OLFM1: variants seen among roughly 807,000 people sequenced by gnomAD.
OLFM1 encodes the protein noelin.
A neutral mutation model predicts 49.7 loss-of-function variants in OLFM1; 9 were observed. The ratio of observed to expected loss-of-function variants is 0.18; its 90% CI spans 0.11 to 0.32. OLFM1 has a LOEUF of 0.32. Ranked by LOEUF, OLFM1 falls within the 10% of genes least tolerant of loss-of-function variation. The probability of loss-of-function intolerance (pLI) is 1.00; values close to 1 mark genes in which losing one functional copy is unlikely to be tolerated. For synonymous variants in OLFM1, 240 were observed against 271.8 expected, an observed-to-expected ratio of 0.88 and a Z score of 1.15; for missense variants, 369 against 661.8, an observed-to-expected ratio of 0.56 and a Z score of 4.85.
intron 1 of OLFM1, among the ~76,000 whole-genome samples, chr9:135,079,932 G>A (rs1170754246): frequency 6.6e-6 from 1 of 152,032 alleles, no homozygotes; most frequent in Non-Finnish European, 1.5e-5. Context: ...TCTCGGAGTT[G>A]GGCCAGCTGT....
chr9:135,091,813 ATAGTCACACACACT>A (rs1830713901), intron 2 of OLFM1, among the ~76,000 whole-genome samples: 1 of 147,372 alleles, frequency 6.8e-6, no homozygotes, highest in Non-Finnish European at 1.5e-5. Context: ...ACACACTCAC[ATAGTCACACACACT>A]CACAGTCACA....
intron 1 of OLFM1, among the ~76,000 whole-genome samples, chr9:135,079,789 T>C (rs1322115806): frequency 1.3e-5 from 2 of 152,106 alleles, no homozygotes; most frequent in Non-Finnish European, 2.9e-5. Flanking sequence ...GGCCTGGCCT[T>C]TCCTAAAACA....
intron 3 of OLFM1, 33 bp downstream of exon 3, chr9:135,096,052 ATCCTCCTCC>A (rs747912134): frequency 1.1e-5 from 4 of 365,874 alleles, no homozygotes; most frequent in Non-Finnish European, 3.7e-6. Flanking sequence ...CCCTCCCCTT[ATCCTCCTCC>A]TCCTCCTCTT....
intron 4 of OLFM1, among the ~76,000 whole-genome samples, chr9:135,103,632 C>A (rs1830899832): frequency 6.6e-6 from 1 of 152,202 alleles, no homozygotes; most frequent in Admixed American, 6.5e-5. Context: ...GGGCCTGGGG[C>A]AGAGCCGCCC....
In OLFM1 at chr9:135,120,222, G is replaced by A. The variant is rs1831168875; in HGVS notation, c.*44G>A. On this transcript the variant is annotated 3_prime_UTR_variant, in exon 6 of 6. Coordinates refer to ENST00000371793, the MANE Select transcript of OLFM1 (RefSeq NM_001282611.2). ...CAAGGGCCCACGTCCTCACCACAAA[G>A]GGACTCCTGTGAAACTGCTGCCAAA... is the stretch of plus-strand genomic sequence containing the variant. 1 of 1,518,532 alleles carries A rather than the reference G, an allele frequency of 6.6e-7. No homozygotes were observed. The highest frequency in any genetic ancestry group is 8.9e-7 in the Non-Finnish European group (1 of 1,124,312). The allele number at this position is 1,518,532 out of a possible 1,614,324, so 94.1% of individuals were successfully genotyped here. A position where few individuals can be genotyped will look rare whatever the true frequency, so the allele number is the denominator to read the frequency against.
At chr9:135,087,644 C>CCGCGCGCAG, upstream of OLFM1, 1 of 554,232 alleles carries the variant, frequency 1.8e-6, no homozygotes, top group East Asian at 4.0e-5. Context: ...GCCGCGGCCC[C>CCGCGCGCAG]CGCGCGCAGC....
At chr9:135,091,535 A>T (rs1440733228) in intron 2 of OLFM1, among the ~76,000 whole-genome samples, 1 of 144,766 alleles carries the variant, frequency 6.9e-6, no homozygotes, top group African/African-American at 2.6e-5. Flanking sequence ...TCACACAGTC[A>T]CACTCACATA....
chr9:135,098,196 C>T lies in OLFM1; in HGVS notation c.457-90C>T. On this transcript the variant is annotated intron_variant, in intron 3 of 5. Coordinates refer to ENST00000371793, the MANE Select transcript of OLFM1 (RefSeq NM_001282611.2). This position sits in a 1 kb window ranked among gnomAD's most constrained non-coding sequence, Gnocchi z 5.6. ...TGTAAATAAAGCGGGAATATACACA[C>T]TTTCCCTCACCTAGGGAGAAGCCAG... 6.6e-7 allele frequency: 1 copy of T among 1,515,398 alleles called. No individual in the cohort carries two copies. The highest frequency in any genetic ancestry group is 1.3e-5 in the South Asian group (1 of 78,842). The allele number at this position is 1,515,398 out of a possible 1,614,324, so 93.9% of individuals were successfully genotyped here. A position where few individuals can be genotyped will look rare whatever the true frequency, so the allele number is the denominator to read the frequency against.
At chr9:135,075,966 C>T in intron 1 of OLFM1, 1 of 1,396,632 alleles carries the variant, frequency 7.2e-7, no homozygotes, top group Non-Finnish European at 9.3e-7. Flanking sequence ...CTAGGCTGGA[C>T]CTGGGTGGGA....
intron 2 of OLFM1, among the ~76,000 whole-genome samples, chr9:135,090,827 GC>G (rs1416412297): frequency 1.3e-5 from 2 of 152,180 alleles, no homozygotes; most frequent in African/African-American, 4.8e-5. Context: ...TCTTTTTTCT[GC>G]CCTTGAATGG....
chr9:135,107,980 T>C (rs1564277673), intron 5 of OLFM1, among the ~76,000 whole-genome samples: 1 of 152,134 alleles, frequency 6.6e-6, no homozygotes, highest in Admixed American at 6.5e-5. Flanking sequence ...GGAAGATGGC[T>C]GGGGAGGGGA....
chr9:135,086,620 A>G (rs1314466362), upstream of OLFM1: 1 of 455,986 alleles, frequency 2.2e-6, no homozygotes, highest in Non-Finnish European at 4.4e-6. Context: ...AAGGCCCCGG[A>G]GGAAGTGGCT....
At position 135,121,060 on chromosome 9, in the gene OLFM1, C is replaced by T. The variant is rs1302497796; in HGVS notation, c.*882C>T. ...GGCTCGCCTGGGGAAACTCTGGTTT[C>T]CGATGGGACAGGAAAGTCATACGGG... On this transcript the variant is annotated 3_prime_UTR_variant, in exon 6 of 6. Transcript: ENST00000371793. The T allele has an allele frequency of 6.6e-6, 1 of 152,324 alleles. No homozygotes were observed. Among genetic ancestry groups the T allele is most frequent in the East Asian group, 1.9e-4 (1 of 5,194 alleles). 9.4% of individuals were successfully genotyped at this position (152,324 alleles called of 1,614,324 possible). A position where few individuals can be genotyped will look rare whatever the true frequency, so the allele number is the denominator to read the frequency against.
chr9:135,086,299 A>G (rs536597632), upstream of OLFM1, among the ~76,000 whole-genome samples: 1 of 152,364 alleles, frequency 6.6e-6, no homozygotes, highest in Admixed American at 6.5e-5. Flanking sequence ...GCCTGAGATT[A>G]CAGCATTAAT....
chr9:135,098,723 G>C lies in OLFM1; in HGVS notation c.676+218G>C, dbSNP rs1452556756. Reference sequence around the variant, plus strand: ...GTTCAGAGCCGGGTCTTGTGCAGAGGCCACAGACCCCGCTGAGTCGCACAT... The same window carrying C: ...GTTCAGAGCCGGGTCTTGTGCAGAGCCCACAGACCCCGCTGAGTCGCACAT... On this transcript the variant is annotated intron_variant, in intron 4 of 5. Coordinates refer to ENST00000371793, the MANE Select transcript of OLFM1 (RefSeq NM_001282611.2). This position sits in a 1 kb window ranked among gnomAD's most constrained non-coding sequence, Gnocchi z 5.6. 6.6e-6 allele frequency among the ~76,000 whole-genome samples: 1 copy of C among 152,164 alleles called. No individual in the cohort carries two copies. The highest frequency in any genetic ancestry group is 2.4e-5 in the African/African-American group (1 of 41,440).
chr9:135,106,946 A>C, intron 5 of OLFM1, 91 bp downstream of exon 5: 1 of 1,032,032 alleles, frequency 9.7e-7, no homozygotes, highest in South Asian at 1.5e-5. Context: ...AGCCACGCCC[A>C]CCCTCCAGGG....
intron 1 of OLFM1, chr9:135,075,873 C>T: frequency 6.7e-7 from 1 of 1,492,226 alleles, no homozygotes; most frequent in Non-Finnish European, 9.0e-7. Flanking sequence ...CCCACAAAGT[C>T]CGGGAACGGC....
chr9:135,090,064 G>A, intron 1 of OLFM1, 131 bp from the exon 2 acceptor site: 2 of 847,578 alleles, frequency 2.4e-6, no homozygotes, highest in African/African-American at 1.7e-5. Context: ...AACATGTCTT[G>A]GGACCATTTC....
chr9:135,087,076 TC>T (rs2119095731), upstream of OLFM1, among the ~76,000 whole-genome samples: 1 of 152,288 alleles, frequency 6.6e-6, no homozygotes, highest in African/African-American at 2.4e-5. Context: ...GCCGGTTGGC[TC>T]CCTTCCTCCC....
Sources: gnomAD v4.1 joint callset for allele counts (sites outside exome capture counted in the v4.1 genomes callset) on GRCh38, gnomAD v4.1.1 for gene constraint, Gnocchi (gnomAD v3.1) non-coding constraint, MANE v1.5 for transcripts, NCBI Gene and HGNC (gene_info 2026-07-23, HGNC 2026-07-21) for gene names.